The following TRAK1 variants were observed in gnomAD, a reference collection of about 807,000 sequenced individuals.
TRAK1 encodes the protein trafficking kinesin protein 1, also known as trafficking kinesin-binding protein 1.
TRAK1 carries 33 observed loss-of-function variants against 92.1 expected under a neutral mutation model. The observed-to-expected ratio is 0.36, with a 90% CI of 0.27 to 0.48. TRAK1 has a LOEUF of 0.48. Among genes scored for constraint, TRAK1 ranks in the 20% least tolerant of loss-of-function variants. The pLI is 0.99. For missense variants in TRAK1, 1,123 were observed against 1,257.9 expected (o/e 0.89, Z 1.62); for synonymous variants, 521 against 517.3 (o/e 1.01, Z -0.10).
intron 1 of TRAK1, among the ~76,000 whole-genome samples, chr3:42,034,710 CAGCGTGAGCAGG>C (rs1198057726): frequency 2.6e-5 from 4 of 152,288 alleles, no homozygotes; most frequent in African/African-American, 9.6e-5. Flanking sequence ...GCTGCCTTAA[CAGCGTGAGCAGG>C]AGCCACCAGG....
At chr3:42,052,513 C>T (rs1703023107) in intron 1 of TRAK1, among the ~76,000 whole-genome samples, 1 of 152,168 alleles carries the variant, frequency 6.6e-6, no homozygotes, top group Non-Finnish European at 1.5e-5. Context: ...AACCCTCCAG[C>T]TTAAGGCCTC....
chr3:42,130,388 A>AG lies in TRAK1; in HGVS notation c.286+4775dup, dbSNP rs201594752. On this transcript the variant is annotated intron_variant, in intron 2 of 15. Coordinates refer to ENST00000327628, the MANE Select transcript of TRAK1 (RefSeq NM_001042646.3). ...CACCCTCCCTGAGTTTACCTGGAGC[A>AG]GCTTTTTCCTAAGAAGAGAAGGTTA... Among the ~76,000 whole-genome samples the AG allele has an allele frequency of 6.2e-4, 67 of 108,676 alleles. 1 individual carries two copies. The highest frequency in any genetic ancestry group is 4.3e-3 in the Admixed American group (51 of 11,980). 71.3% of individuals were successfully genotyped at this position (108,676 alleles called of 152,430 possible). A position where few individuals can be genotyped will look rare whatever the true frequency, so the allele number is the denominator to read the frequency against.
upstream of TRAK1, among the ~76,000 whole-genome samples, chr3:42,083,805 GGCTGCGGTGA>G (rs1704540727): frequency 6.6e-6 from 1 of 152,088 alleles, no homozygotes; most frequent in Admixed American, 6.6e-5. Context: ...GGGAGGTCAA[GGCTGCGGTGA>G]GCTGTGATTG....
At chr3:42,075,967 C>T (rs542733924) in intron 1 of TRAK1, among the ~76,000 whole-genome samples, 3 of 152,074 alleles carry the variant, frequency 2.0e-5, no homozygotes, top group Non-Finnish European at 2.9e-5. Flanking sequence ...CTCAGCCTCC[C>T]GAGTATCTGG....
At chr3:42,166,663 T>C (rs1701907144) in intron 2 of TRAK1, among the ~76,000 whole-genome samples, 1 of 152,284 alleles carries the variant, frequency 6.6e-6, no homozygotes, top group African/African-American at 2.4e-5. Context: ...TCATTTATTC[T>C]TCTCTGCTTC....
intron 1 of TRAK1, among the ~76,000 whole-genome samples, chr3:42,020,004 G>T (rs1180724652): frequency 6.6e-6 from 1 of 152,222 alleles, no homozygotes; most frequent in Non-Finnish European, 1.5e-5. Flanking sequence ...ATCAGGGAGA[G>T]AGTGACTGAA....
chr3:42,093,111 G>A (rs1035399970), intron 1 of TRAK1, among the ~76,000 whole-genome samples: 2 of 152,072 alleles, frequency 1.3e-5, no homozygotes, highest in African/African-American at 4.8e-5. Context: ...AGAAAAGAAT[G>A]GACAGTGAAA....
chr3:42,100,059 C>CGTA (rs1007824049), intron 1 of TRAK1, among the ~76,000 whole-genome samples: 112 of 152,182 alleles, frequency 7.4e-4, no homozygotes, highest in African/African-American at 2.5e-3. Context: ...GGGAGTTAAT[C>CGTA]GTAGGCAGAG....
rs1008937524 is a variant in TRAK1 at position 42,061,987 on chromosome 3, C to T, written c.-518-25117C>T. On this transcript the variant is annotated intron_variant, in intron 1 of 16. Coordinates refer to the TRAK1 transcript ENST00000487159. ...CCATCCCTCCAGAATGCAGCTGTCT[C>T]GGGTGGAGGCTCTGGGACAGCTGCT... 5.3e-5 allele frequency among the ~76,000 whole-genome samples: 8 copies of T among 152,288 alleles called. No homozygotes were observed. The East Asian group carries it at 5.8e-4, about 11-fold the overall frequency.
intron 13 of TRAK1, among the ~76,000 whole-genome samples, chr3:42,207,425 A>C (rs1708458988): frequency 6.6e-6 from 1 of 152,148 alleles, no homozygotes; most frequent in African/African-American, 2.4e-5. Flanking sequence ...TCTTGTTCTC[A>C]GACCTGTGGG....
chr3:42,169,239 G>T (rs201585496), intron 2 of TRAK1, among the ~76,000 whole-genome samples: 1 of 147,280 alleles, frequency 6.8e-6, no homozygotes, highest in African/African-American at 2.5e-5. Flanking sequence ...ATTTTCGTGT[G>T]TTTTTTTTTC....
At chr3:42,036,527 C>T (rs945823176) in intron 1 of TRAK1, among the ~76,000 whole-genome samples, 8 of 151,914 alleles carry the variant, frequency 5.3e-5, no homozygotes, top group African/African-American at 7.3e-5. Context: ...TCTGCAGCCT[C>T]TCTGCTCTTT....
chr3:42,057,727 C>T (rs28514872), intron 1 of TRAK1, among the ~76,000 whole-genome samples: 20,906 of 151,848 alleles, frequency 0.14, 2,032 homozygotes, highest in African/African-American at 0.27. Flanking sequence ...AGGGAGCAGA[C>T]GAACTTAGAT....
At chr3:42,170,865 C>T (rs1702457223) in intron 2 of TRAK1, among the ~76,000 whole-genome samples, 1 of 151,256 alleles carries the variant, frequency 6.6e-6, no homozygotes, top group Admixed American at 6.6e-5. Context: ...GCTCTGTCGC[C>T]CAGGCTGGAG....
In TRAK1 at chr3:42,124,580, C is replaced by G. The variant is rs373603223; in HGVS notation, c.92-840C>G. Among the ~76,000 whole-genome samples, 6 of 152,326 alleles carry G rather than the reference C, an allele frequency of 3.9e-5. No homozygotes were observed. In the East Asian group the frequency reaches 9.6e-4, roughly 24 times the overall value. ...CCGTCACAGGCATTAGTATGCACCC[C>G]CTGAGCACAGCCTGGGCCAAGAGCT... On this transcript the variant is annotated intron_variant, in intron 1 of 15. Coordinates refer to ENST00000327628, the MANE Select transcript of TRAK1 (RefSeq NM_001042646.3).
rs1333420346 is a variant in TRAK1, at chr3:42,160,458, G to C, written c.287-16356G>C. 2.5e-6 allele frequency: 4 copies of C among 1,614,030 alleles called. No individual in the cohort carries two copies. In the African/African-American group the frequency reaches 4.0e-5, roughly 16 times the overall value. ...AACCCACAGGCAGCATGACACCCAG[G>C]ACCTCTTGGAAGAGGGTAAATTCTG... On this transcript the variant is annotated intron_variant, in intron 2 of 15. Coordinates refer to ENST00000327628, the MANE Select transcript of TRAK1 (RefSeq NM_001042646.3).
chr3:42,138,145 G>C (rs999368070), intron 2 of TRAK1, among the ~76,000 whole-genome samples: 2 of 152,144 alleles, frequency 1.3e-5, no homozygotes, highest in African/African-American at 4.8e-5. Context: ...TTGCTTTCAG[G>C]TGATAATGTA....
chr3:42,204,527 C>CT (rs1188091072), intron 13 of TRAK1, among the ~76,000 whole-genome samples: 1 of 152,200 alleles, frequency 6.6e-6, no homozygotes, highest in Non-Finnish European at 1.5e-5. Context: ...ATAACACAAC[C>CT]TCATGATACA....
At chr3:42,039,251 T>G (rs1702446419) in intron 1 of TRAK1, among the ~76,000 whole-genome samples, 1 of 152,242 alleles carries the variant, frequency 6.6e-6, no homozygotes, top group African/African-American at 2.4e-5. Context: ...TGTTGTAGCA[T>G]GTAGCAATTC....
Sources: gnomAD v4.1 joint callset for allele counts (sites outside exome capture counted in the v4.1 genomes callset) on GRCh38, gnomAD v4.1.1 for gene constraint, MANE v1.5 for transcripts, NCBI Gene and HGNC (gene_info 2026-07-23, HGNC 2026-07-21) for gene names.